SCN9A: variants seen among roughly 807,000 people sequenced by gnomAD.
SCN9A encodes sodium channel protein type 9 subunit alpha.
A neutral mutation model predicts 187.0 loss-of-function variants in SCN9A; 131 were observed. The observed-to-expected ratio is 0.70, with a 90% CI of 0.61 to 0.81. The LOEUF (loss-of-function observed/expected upper bound fraction) is 0.81. Among genes scored for constraint, SCN9A ranks in the 30% least tolerant of loss-of-function variants. The probability of loss-of-function intolerance (pLI) is 0.00; values close to 1 mark genes in which losing one functional copy is unlikely to be tolerated. For missense variants in SCN9A, 2,252 were observed against 2,396.6 expected, an observed-to-expected ratio of 0.94 and a Z score of 1.26; for synonymous variants, 809 against 808.6, an observed-to-expected ratio of 1.00 and a Z score of -0.01.
intron 10 of SCN9A, among the ~76,000 whole-genome samples, chr2:166,288,162 T>TAC (rs10584581): frequency 3.4e-3 from 495 of 146,814 alleles, no homozygotes; most frequent in African/African-American, 0.012. Flanking sequence ...TATATAGACA[T>TAC]ACACACACAC....
Position 166,278,314 on chromosome 2 carries a change from C to A in SCN9A, c.2344-1G>T. The A allele has an allele frequency of 6.3e-7, 1 of 1,580,066 alleles. No individual in the cohort carries two copies. The stretch of plus-strand genomic sequence containing the variant: ...CAGCTGCAAAGATTCCAGTAAAGAC[C>A]TAAGTGAGAAAAATAATGTTTTTCT... On this transcript the variant is annotated splice_acceptor_variant, in intron 14 of 26. Transcript: ENST00000642356. LOFTEE classifies it high-confidence loss of function.
At chr2:166,241,118 C>G (rs1307651363) in intron 19 of SCN9A, among the ~76,000 whole-genome samples, 1 of 152,088 alleles carries the variant, frequency 6.6e-6, no homozygotes, top group Non-Finnish European at 1.5e-5. Flanking sequence ...TCAGATCAAC[C>G]TATTAGCATA....
At chr2:166,362,701 T>C (rs1004081964) in intron 1 of SCN9A, among the ~76,000 whole-genome samples, 1 of 151,924 alleles carries the variant, frequency 6.6e-6, no homozygotes, top group Non-Finnish European at 1.5e-5. Context: ...ATCAAATTTA[T>C]ATTCCAGAAG....
At chr2:166,268,321 A>T (rs929711347) in intron 17 of SCN9A, among the ~76,000 whole-genome samples, 30 of 152,172 alleles carry the variant, frequency 2.0e-4, no homozygotes, top group African/African-American at 7.2e-4. Context: ...ACTTAATGAC[A>T]TAAATATATA....
intron 1 of SCN9A, among the ~76,000 whole-genome samples, chr2:166,373,502 A>G (rs2105334224): frequency 6.6e-6 from 1 of 152,150 alleles, no homozygotes; most frequent in South Asian, 2.1e-4. Flanking sequence ...GTGTAGATAC[A>G]GAAAAGAGGG....
At chr2:166,215,413 C>A (rs554331454) in intron 24 of SCN9A, among the ~76,000 whole-genome samples, 1 of 151,772 alleles carries the variant, frequency 6.6e-6, no homozygotes, top group South Asian at 2.1e-4. Flanking sequence ...ACAGAATATC[C>A]CCAAACTTTG....
chr2:166,306,709 G>T, intron 3 of SCN9A, 110 bp from the exon 4 acceptor site: 1 of 786,704 alleles, frequency 1.3e-6, no homozygotes, highest in Non-Finnish European at 2.2e-6. Flanking sequence ...TTCTAAATGA[G>T]CTTGTAGACT....
At chr2:166,213,015 C>G (rs1694163225) in intron 24 of SCN9A, among the ~76,000 whole-genome samples, 1 of 151,978 alleles carries the variant, frequency 6.6e-6, no homozygotes, top group African/African-American at 2.4e-5. Context: ...TATTGAGATA[C>G]ATGTCTACAT....
At chr2:166,319,038 A>G (rs944840948) in intron 1 of SCN9A, among the ~76,000 whole-genome samples, 5 of 152,128 alleles carry the variant, frequency 3.3e-5, no homozygotes, top group Non-Finnish European at 7.4e-5. Flanking sequence ...GATCAATTTA[A>G]AAGTTCCATT....
chr2:166,200,293 G>A (rs185842933), intron 26 of SCN9A, among the ~76,000 whole-genome samples: 289 of 151,736 alleles, frequency 1.9e-3, no homozygotes, highest in African/African-American at 6.7e-3. Context: ...CACCGTGCCC[G>A]GCCAAGACAG....
chr2:166,302,173 A>AC (rs1698582008), intron 7 of SCN9A: 5 of 147,370 alleles, frequency 3.4e-5, no homozygotes, highest in African/African-American at 1.4e-4. Flanking sequence ...GGGTCAAATT[A>AC]TCTATTAAGA....
At position 166,311,705 on chromosome 2, in the gene SCN9A, G is replaced by A. The variant is rs1391453280; in HGVS notation, c.52C>T (p.Gln18Ter). Residue 18 changes from glutamine (Q) to a stop codon, truncating the protein, a stop_gained, in exon 2 of 27, where the codon CAG (glutamine) becomes TAG (stop). Coordinates refer to ENST00000642356, the MANE Select transcript of SCN9A (RefSeq NM_001365536.1). LOFTEE classifies it high-confidence loss of function. ...GPQSFVHFTK[Q>*]SLALIEQRIA... ...CGTTGTTCAATGAGGGCAAGAGACT[G>A]TTTTGTGAAATGGACAAAGCTCTGA... The A allele has an allele frequency of 6.2e-7, 1 of 1,612,186 alleles. No homozygotes were observed. The highest frequency in any genetic ancestry group is 2.2e-5 in the East Asian group (1 of 44,786).
intron 26 of SCN9A, among the ~76,000 whole-genome samples, chr2:166,202,454 A>C (rs1002917878): frequency 6.6e-6 from 1 of 151,784 alleles, no homozygotes; most frequent in African/African-American, 2.4e-5. Flanking sequence ...TTTGCAGAAT[A>C]AGCCACCTCT....
At chr2:166,342,924 A>T (rs761511750) in intron 1 of SCN9A, among the ~76,000 whole-genome samples, 7 of 152,178 alleles carry the variant, frequency 4.6e-5, no homozygotes, top group Non-Finnish European at 8.8e-5. Context: ...TCAGGCAAAC[A>T]TGTCCCTGTC....
At chr2:166,324,229 GT>G (rs1699310567) in intron 1 of SCN9A, among the ~76,000 whole-genome samples, 1 of 151,696 alleles carries the variant, frequency 6.6e-6, no homozygotes, top group South Asian at 2.1e-4. Context: ...GCAGGCAGAG[GT>G]TGCAGTGAGC....
chr2:166,258,016 G>C (rs1013258606), intron 17 of SCN9A, among the ~76,000 whole-genome samples: 1 of 151,396 alleles, frequency 6.6e-6, no homozygotes, highest in Non-Finnish European at 1.5e-5. Context: ...TCTCTAAGGT[G>C]TGTCAATTTC....
Position 166,340,617 on chromosome 2 carries a change from T to C in SCN9A, c.-50-28811A>G, listed in dbSNP as rs71428917. On this transcript the variant is annotated intron_variant, in intron 1 of 26. Transcript: ENST00000642356. Reference sequence around the variant, plus strand: ...TTCTTTCTTTCTTTTTCTTTCTTTCTTTCCTTTCTCTTCTTTCTTTTTTGA... The same window carrying C: ...TTCTTTCTTTCTTTTTCTTTCTTTCCTTCCTTTCTCTTCTTTCTTTTTTGA... Among the ~76,000 whole-genome samples the C allele has an allele frequency of 4.6e-4, 28 of 60,466 alleles. 1 individual carries two copies. The highest frequency in any genetic ancestry group is 7.6e-4 in the Non-Finnish European group (26 of 34,144). 39.7% of individuals were successfully genotyped at this position (60,466 alleles called of 152,430 possible).
At chr2:166,335,904 GT>G (rs955247853) in intron 1 of SCN9A, among the ~76,000 whole-genome samples, 8 of 151,986 alleles carry the variant, frequency 5.3e-5, no homozygotes, top group East Asian at 1.9e-4. Context: ...CATGTACAGA[GT>G]TTTTTTTCTT....
intron 1 of SCN9A, among the ~76,000 whole-genome samples, chr2:166,314,291 T>C (rs11885693): frequency 0.68 from 103,772 of 151,944 alleles, 36,798 homozygotes; most frequent in African/African-American, 0.88. Context: ...TGCAATAAAG[T>C]AAAGCCCCAT....
Sources: gnomAD v4.1 joint callset for allele counts (sites outside exome capture counted in the v4.1 genomes callset) on GRCh38, gnomAD v4.1.1 for gene constraint, MANE v1.5 for transcripts, NCBI Gene and HGNC (gene_info 2026-07-23, HGNC 2026-07-21) for gene names.